Variants in CAMKMT observed in about 807,000 individuals in gnomAD.
The protein encoded by CAMKMT is calmodulin-lysine N-methyltransferase.
In CAMKMT, 53 loss-of-function variants were observed where a neutral mutation model predicts 48.0. That is an observed-to-expected ratio of 1.10 (90% CI 0.89 to 1.39). The LOEUF is 1.39. CAMKMT is among the 40% of genes most tolerant of loss of function. The pLI is 0.00. For missense variants in CAMKMT, 428 were observed against 402.7 expected, an observed-to-expected ratio of 1.06 and a Z score of -0.54; for synonymous variants, 165 against 152.3, an observed-to-expected ratio of 1.08 and a Z score of -0.61.
intron 3 of CAMKMT, among the ~76,000 whole-genome samples, chr2:44,408,095 G>A (rs1173257970): frequency 2.0e-5 from 3 of 148,528 alleles, no homozygotes; most frequent in African/African-American, 5.1e-5. Context: ...ACGTGATCTC[G>A]GCTCACTGCA....
intron 3 of CAMKMT, among the ~76,000 whole-genome samples, chr2:44,606,480 G>A (rs980107341): frequency 6.6e-6 from 1 of 152,122 alleles, no homozygotes; most frequent in African/African-American, 2.4e-5. Flanking sequence ...CCACAGACTG[G>A]TACTAGCCTA....
At chr2:44,673,871 G>A (rs72794015) in intron 3 of CAMKMT, among the ~76,000 whole-genome samples, 13,350 of 152,154 alleles carry the variant, frequency 0.088, 830 homozygotes, top group Non-Finnish European at 0.14. Context: ...ACAAACAGCC[G>A]AGCATAATGG....
chr2:44,561,733 T>G (rs2103695625), intron 3 of CAMKMT, among the ~76,000 whole-genome samples: 1 of 152,334 alleles, frequency 6.6e-6, no homozygotes, highest in Admixed American at 6.5e-5. Flanking sequence ...AAGTTGCACT[T>G]AAGACATTGA....
chr2:44,625,877 C>T (rs2103949938), intron 3 of CAMKMT, among the ~76,000 whole-genome samples: 1 of 151,970 alleles, frequency 6.6e-6, no homozygotes, highest in Middle Eastern at 3.4e-3. Flanking sequence ...GTATGTCTAC[C>T]ATTATGCCAA....
At chr2:44,475,478 C>G (rs1164826303) in intron 3 of CAMKMT, among the ~76,000 whole-genome samples, 1 of 152,034 alleles carries the variant, frequency 6.6e-6, no homozygotes, top group Non-Finnish European at 1.5e-5. Context: ...CCACCACACC[C>G]AGCTAATTTT....
intron 3 of CAMKMT, among the ~76,000 whole-genome samples, chr2:44,525,764 A>T (rs532406355): frequency 1.3e-5 from 2 of 152,306 alleles, no homozygotes; most frequent in African/African-American, 4.8e-5. Context: ...TCAACAGCTA[A>T]TAAGTAGCTG....
chr2:44,576,428 G>A (rs950853906), intron 3 of CAMKMT, among the ~76,000 whole-genome samples: 30 of 151,960 alleles, frequency 2.0e-4, no homozygotes, highest in Non-Finnish European at 2.8e-4. Flanking sequence ...GTAGAGTATA[G>A]AAGTTGTGAG....
chr2:44,450,267 T>G (rs1045860044), intron 3 of CAMKMT, among the ~76,000 whole-genome samples: 1 of 152,184 alleles, frequency 6.6e-6, no homozygotes, highest in Non-Finnish European at 1.5e-5. Context: ...TTTAGAGGCA[T>G]TCAAGCCTGA....
At chr2:44,495,655 C>T (rs965945000) in intron 3 of CAMKMT, among the ~76,000 whole-genome samples, 1 of 152,148 alleles carries the variant, frequency 6.6e-6, no homozygotes, top group Non-Finnish European at 1.5e-5. Context: ...CAATTGGAAG[C>T]AATTCTTACT....
chr2:44,466,975 T>G (rs1447300858), intron 3 of CAMKMT, among the ~76,000 whole-genome samples: 1 of 152,128 alleles, frequency 6.6e-6, no homozygotes, highest in Non-Finnish European at 1.5e-5. Flanking sequence ...AATAGGCCAG[T>G]CACGGTGGCT....
intron 3 of CAMKMT, among the ~76,000 whole-genome samples, chr2:44,551,959 A>G (rs1362453865): frequency 1.3e-5 from 2 of 152,196 alleles, no homozygotes; most frequent in African/African-American, 2.4e-5. Context: ...GAAGTGTAAT[A>G]TGGGTTTCTA....
chr2:44,447,727 C>G (rs1028173756), intron 3 of CAMKMT, among the ~76,000 whole-genome samples: 1 of 152,148 alleles, frequency 6.6e-6, no homozygotes, highest in African/African-American at 2.4e-5. Context: ...CATGGTGAAG[C>G]CTGTTGTCAG....
rs549826938 is a variant in CAMKMT at position 44,763,075 on chromosome 2, G to A, written c.763-3355G>A. 3.3e-5 allele frequency among the ~76,000 whole-genome samples: 5 copies of A among 152,232 alleles called. No individual in the cohort carries two copies. The South Asian group carries it at 8.3e-4, about 25-fold the overall frequency. The stretch of plus-strand genomic sequence containing the variant: ...CCCTGTGACGTGTTCTCTCCCCTGG[G>A]GATACTGGGGTCTAAACCCATTCAT... On this transcript the variant is annotated intron_variant, in intron 9 of 10. Transcript: ENST00000378494.
At chr2:44,512,179 T>A (rs1670597633) in intron 3 of CAMKMT, among the ~76,000 whole-genome samples, 1 of 152,186 alleles carries the variant, frequency 6.6e-6, no homozygotes, top group Non-Finnish European at 1.5e-5. Flanking sequence ...AGCTGATGCT[T>A]GACCATGTCT....
intron 3 of CAMKMT, among the ~76,000 whole-genome samples, chr2:44,606,071 C>T (rs1309583514): frequency 2.0e-5 from 3 of 152,116 alleles, no homozygotes; most frequent in Non-Finnish European, 4.4e-5. Flanking sequence ...ACTCCAGGAA[C>T]GTCAGTTAAA....
intron 3 of CAMKMT, among the ~76,000 whole-genome samples, chr2:44,633,056 C>G (rs1172323812): frequency 6.6e-6 from 1 of 152,004 alleles, no homozygotes; most frequent in Non-Finnish European, 1.5e-5. Context: ...TTATTAACTG[C>G]GTAAAGAATT....
intron 4 of CAMKMT, among the ~76,000 whole-genome samples, chr2:44,704,966 T>G (rs1677471899): frequency 6.6e-6 from 1 of 151,754 alleles, no homozygotes; most frequent in South Asian, 2.1e-4. Flanking sequence ...TATTTGAAAA[T>G]TCTAAAGATG....
At chr2:44,758,486 C>T (rs1274928116) in intron 9 of CAMKMT, among the ~76,000 whole-genome samples, 1 of 152,168 alleles carries the variant, frequency 6.6e-6, no homozygotes, top group East Asian at 1.9e-4. Context: ...ACCTGAAATG[C>T]AGGCTTTCCT....
chr2:44,579,277 A>G (rs1334628223), intron 3 of CAMKMT, among the ~76,000 whole-genome samples: 6 of 151,992 alleles, frequency 3.9e-5, no homozygotes, highest in Non-Finnish European at 5.9e-5. Context: ...CAGATGAGTC[A>G]TTTTGCTCAT....
Sources: gnomAD v4.1 joint callset for allele counts (sites outside exome capture counted in the v4.1 genomes callset) on GRCh38, gnomAD v4.1.1 for gene constraint, MANE v1.5 for transcripts, NCBI Gene and HGNC (gene_info 2026-07-23, HGNC 2026-07-21) for gene names.